MYL4: variants seen among roughly 807,000 people sequenced by gnomAD.
The protein encoded by MYL4 is myosin light chain 4.
A neutral mutation model predicts 21.6 loss-of-function variants in MYL4; 16 were observed. The observed-to-expected ratio is 0.74, with a 90% CI of 0.50 to 1.12. MYL4 has a LOEUF of 1.12. MYL4 is among the 50% of genes most tolerant of loss of function. The pLI, the probability that MYL4 is intolerant of heterozygous loss-of-function variation, is 0.00. For missense variants in MYL4, 249 were observed against 252.9 expected, an observed-to-expected ratio of 0.98 and a Z score of 0.11; for synonymous variants, 82 against 95.7, an observed-to-expected ratio of 0.86 and a Z score of 0.83.
intron 1 of MYL4, among the ~76,000 whole-genome samples, chr17:47,213,568 G>T (rs553712814): frequency 1.3e-5 from 2 of 152,292 alleles, no homozygotes; most frequent in East Asian, 3.9e-4. Context: ...ATCCAGAGTT[G>T]GTTGAACCTG....
In MYL4 at chr17:47,213,829, G is replaced by A. The variant is rs2064793840; in HGVS notation, c.163+3G>A. ...CTTCACTGCCGACCAGATTGAAGGTGAGTATGGACAACCCCACCTCTCCGT... is the reference window on the plus strand; with the variant it reads ...CTTCACTGCCGACCAGATTGAAGGTAAGTATGGACAACCCCACCTCTCCGT... On this transcript the variant is annotated splice_donor_region_variant and intron_variant, in intron 2 of 6. Coordinates refer to ENST00000393450, the MANE Select transcript of MYL4 (RefSeq NM_002476.2). The A allele has an allele frequency of 1.9e-6, 3 of 1,613,962 alleles. No homozygotes were observed. The highest frequency in any genetic ancestry group is 1.3e-5 in the African/African-American group (1 of 74,914).
chr17:47,204,731 G>GAAA (rs11307481), upstream of MYL4, among the ~76,000 whole-genome samples: 2 of 141,390 alleles, frequency 1.4e-5, no homozygotes, highest in African/African-American at 5.3e-5. Context: ...ACCCTGTCTC[G>GAAA]AAAAAAAAAA....
chr17:47,223,153 C>T, intron 6 of MYL4, 96 bp downstream of exon 6: 4 of 1,326,098 alleles, frequency 3.0e-6, no homozygotes, highest in Non-Finnish European at 4.3e-6. Flanking sequence ...CCAGCCCTGA[C>T]CCCTTAAGAG....
At chr17:47,199,321 A>G (rs1194869997), upstream of MYL4, among the ~76,000 whole-genome samples, 1 of 146,354 alleles carries the variant, frequency 6.8e-6, no homozygotes, top group Non-Finnish European at 1.5e-5. Context: ...AAAAAACCCC[A>G]GAAAAACAAA....
chr17:47,212,160 G>A (rs540233938), intron 1 of MYL4, among the ~76,000 whole-genome samples: 57 of 152,218 alleles, frequency 3.7e-4, no homozygotes, highest in African/African-American at 1.3e-3. Flanking sequence ...AGGTCGCAGT[G>A]AGCCAAGATC....
chr17:47,218,915 C>T (rs537806528), intron 2 of MYL4, among the ~76,000 whole-genome samples: 33 of 152,306 alleles, frequency 2.2e-4, no homozygotes, highest in African/African-American at 7.0e-4. Context: ...GGAGTCCAGT[C>T]CCTGTGGTTC....
In MYL4 at chr17:47,209,395, C is replaced by T. The variant is rs373169208; in HGVS notation, c.-28C>T. ...TCTCTCGGTTTCTTCTTAGATCACT[C>T]CTCTGCCAAAGATCCCAACAAGACA... On this transcript the variant is annotated 5_prime_UTR_variant, in exon 1 of 7. Coordinates refer to ENST00000393450, the MANE Select transcript of MYL4 (RefSeq NM_002476.2). 67 of 1,614,018 alleles carry T rather than the reference C, an allele frequency of 4.2e-5. No homozygotes were observed. Among genetic ancestry groups the T allele is most frequent in the Middle Eastern group, 1.6e-4 (1 of 6,082 alleles).
At chr17:47,219,511 A>T (rs1293728505) in intron 2 of MYL4, among the ~76,000 whole-genome samples, 2 of 149,870 alleles carry the variant, frequency 1.3e-5, no homozygotes, top group Non-Finnish European at 3.0e-5. Context: ...AGACATCTGA[A>T]TTTTTTTTTT....
the MYL4 span, among the ~76,000 whole-genome samples, chr17:47,191,360 A>T: frequency 6.6e-6 from 1 of 152,344 alleles, no homozygotes; most frequent in East Asian, 1.9e-4. Context: ...TCACTCTTAA[A>T]ATGTGACCCT....
intron 2 of MYL4, among the ~76,000 whole-genome samples, chr17:47,218,784 C>T (rs993235144): frequency 3.3e-5 from 5 of 152,130 alleles, no homozygotes; most frequent in Non-Finnish European, 7.4e-5. Context: ...GAGACTCTGT[C>T]TCAAACAAAA....
At chr17:47,216,246 T>C (rs2064813227) in intron 2 of MYL4, among the ~76,000 whole-genome samples, 1 of 152,042 alleles carries the variant, frequency 6.6e-6, no homozygotes, top group African/African-American at 2.4e-5. Context: ...CTGCAGATTA[T>C]TGAGGAAAGG....
At chr17:47,215,657 T>G (rs1038339794) in intron 2 of MYL4, among the ~76,000 whole-genome samples, 1 of 152,220 alleles carries the variant, frequency 6.6e-6, no homozygotes, top group Non-Finnish European at 1.5e-5. Flanking sequence ...TGAGGGTATT[T>G]GGGTTTCAAT....
chr17:47,216,432 C>T (rs1403731134), intron 2 of MYL4, among the ~76,000 whole-genome samples: 2 of 151,866 alleles, frequency 1.3e-5, no homozygotes, highest in South Asian at 2.1e-4. Context: ...AGCAGGTCTC[C>T]TTCTCTTCCT....
chr17:47,210,842 T>C (rs1365445604), intron 1 of MYL4, among the ~76,000 whole-genome samples: 1 of 152,154 alleles, frequency 6.6e-6, no homozygotes, highest in Non-Finnish European at 1.5e-5. Context: ...CTGCAGGTTT[T>C]CTAGGTCATA....
At chr17:47,221,989 G>A in intron 4 of MYL4, 134 bp downstream of exon 4, 1 of 1,032,386 alleles carries the variant, frequency 9.7e-7, no homozygotes, top group South Asian at 1.7e-5. Flanking sequence ...ACCTGATCCA[G>A]GCCCTGTCTC....
upstream of MYL4, among the ~76,000 whole-genome samples, chr17:47,196,744 C>T (rs549572639): frequency 2.6e-5 from 4 of 152,208 alleles, no homozygotes; most frequent in South Asian, 8.3e-4. Flanking sequence ...TTGTTCTTTT[C>T]TTTCATAGTA....
the MYL4 span, among the ~76,000 whole-genome samples, chr17:47,191,616 G>A: frequency 3.3e-5 from 5 of 152,084 alleles, no homozygotes; most frequent in African/African-American, 9.7e-5. Flanking sequence ...GATTGCAGGT[G>A]CGCACCACCA....
chr17:47,194,452 T>G, the MYL4 span, among the ~76,000 whole-genome samples: 3 of 152,226 alleles, frequency 2.0e-5, no homozygotes, highest in Non-Finnish European at 2.9e-5. Context: ...ATATGCTGTT[T>G]TTCAAGTGTA....
chr17:47,221,551 T>C, intron 3 of MYL4, 131 bp from the exon 4 acceptor site: 1 of 975,300 alleles, frequency 1.0e-6, no homozygotes. Context: ...CTAATGGGTG[T>C]ACCACCCAGA....
Sources: allele counts gnomAD v4.1 joint callset (sites outside exome capture counted in the v4.1 genomes callset), GRCh38; gene constraint gnomAD v4.1.1; transcripts MANE v1.5; gene names NCBI Gene and HGNC (gene_info 2026-07-23, HGNC 2026-07-21).